Variants in MYO16 observed in about 807,000 individuals in gnomAD.
MYO16 encodes myosin XVI, also known as unconventional myosin-XVI.
In MYO16, 94 loss-of-function variants were observed where a neutral mutation model predicts 205.3. The observed-to-expected ratio is 0.46, with a 90% confidence interval of 0.39 to 0.54. The LOEUF is 0.54. Among genes scored for constraint, MYO16 ranks in the 20% least tolerant of loss-of-function variants. The probability of loss-of-function intolerance (pLI) is 0.00; values close to 1 mark genes in which losing one functional copy is unlikely to be tolerated. For missense variants in MYO16, 2,315 were observed against 2,387.5 expected (o/e 0.97, Z 0.63); for synonymous variants, 988 against 954.0 (o/e 1.04, Z -0.66).
At chr13:108,900,805 A>G (rs1410367779) in intron 15 of MYO16, among the ~76,000 whole-genome samples, 3 of 152,230 alleles carry the variant, frequency 2.0e-5, no homozygotes, top group Admixed American at 2.0e-4. Flanking sequence ...TCAGGGAACA[A>G]GAGAGATAAC....
chr13:108,783,947 ACAGTGTCAG>A (rs1886382386), intron 4 of MYO16, among the ~76,000 whole-genome samples: 1 of 152,176 alleles, frequency 6.6e-6, no homozygotes, highest in Non-Finnish European at 1.5e-5. Flanking sequence ...CAGCGCCTGT[ACAGTGTCAG>A]CAGGCAACCA....
chr13:108,805,427 T>C (rs1887084032), intron 6 of MYO16, among the ~76,000 whole-genome samples: 1 of 152,304 alleles, frequency 6.6e-6, no homozygotes, highest in East Asian at 1.9e-4. Flanking sequence ...TTTATCAAAA[T>C]GTACACATTG....
the MYO16 span, among the ~76,000 whole-genome samples, chr13:108,518,747 A>G: frequency 6.6e-6 from 1 of 152,226 alleles, no homozygotes; most frequent in Non-Finnish European, 1.5e-5. Flanking sequence ...GGGCAAAATC[A>G]CATGCCATAG....
In MYO16 at chr13:108,747,183, C is replaced by T. The variant is rs962641643; in HGVS notation, c.507+19600C>T. 2.0e-5 allele frequency among the ~76,000 whole-genome samples: 3 copies of T among 152,184 alleles called. No homozygotes were observed. In the South Asian group the frequency reaches 6.2e-4, roughly 32 times the overall value. On this transcript the variant is annotated intron_variant, in intron 4 of 34. Transcript: ENST00000457511. Reference sequence around the variant, plus strand: ...AAAATAAGTTGTTAAACAACATAAACAGGAAAATTGTATAGGTCAGAATCT... The same window carrying T: ...AAAATAAGTTGTTAAACAACATAAATAGGAAAATTGTATAGGTCAGAATCT...
chr13:109,058,922 G>A (rs35478620), intron 27 of MYO16, among the ~76,000 whole-genome samples: 9,532 of 152,226 alleles, frequency 0.063, 351 homozygotes, highest in Non-Finnish European at 0.081. Context: ...TTTCAACAAT[G>A]TTCACAGCAT....
intron 16 of MYO16, among the ~76,000 whole-genome samples, chr13:108,914,246 A>T (rs1881389856): frequency 6.7e-6 from 1 of 150,244 alleles, no homozygotes; most frequent in Non-Finnish European, 1.5e-5. Context: ...TATTATATTT[A>T]CTATATTATA....
intron 1 of MYO16, among the ~76,000 whole-genome samples, chr13:108,658,801 T>G (rs1365653745): frequency 6.6e-6 from 1 of 152,196 alleles, no homozygotes; most frequent in Non-Finnish European, 1.5e-5. Flanking sequence ...CTTTGCTTTA[T>G]GGCCTAAGAG....
chr13:108,499,739 A>G, the MYO16 span, among the ~76,000 whole-genome samples: 38 of 152,140 alleles, frequency 2.5e-4, no homozygotes, highest in Non-Finnish European at 5.0e-4. Flanking sequence ...AAATCAACTC[A>G]TTTCTTATAT....
chr13:109,174,467 T>C (rs1879070968), intron 33 of MYO16, among the ~76,000 whole-genome samples: 2 of 152,122 alleles, frequency 1.3e-5, no homozygotes, highest in Non-Finnish European at 1.5e-5. Flanking sequence ...TTGAGAAATT[T>C]ACATTGAGAA....
intron 1 of MYO16, among the ~76,000 whole-genome samples, chr13:108,660,236 G>A (rs1361925830): frequency 2.0e-5 from 3 of 152,170 alleles, no homozygotes; most frequent in Non-Finnish European, 4.4e-5. Context: ...AGGGAATTTT[G>A]AGTGACCCCC....
At position 108,962,393 on chromosome 13, in the gene MYO16, C is replaced by T. The variant is rs773753498; in HGVS notation, c.2156-31C>T. On this transcript the variant is annotated intron_variant, in intron 18 of 34. Transcript: ENST00000457511. ...TTCTTGGTATCAAAAAATATACTAA[C>T]TTTATGTTTATAATGCTGATTTAAT... The T allele has an allele frequency of 3.2e-6, 5 of 1,565,414 alleles. No individual in the cohort carries two copies. The South Asian group carries it at 4.6e-5, about 14-fold the overall frequency.
chr13:109,176,962 A>G (rs549317104), intron 33 of MYO16, among the ~76,000 whole-genome samples: 1 of 152,348 alleles, frequency 6.6e-6, no homozygotes, highest in Admixed American at 6.5e-5. Context: ...CTCATTACTT[A>G]GATAAAATGG....
chr13:108,740,659 A>T (rs1310825414), intron 4 of MYO16, among the ~76,000 whole-genome samples: 1 of 152,048 alleles, frequency 6.6e-6, no homozygotes, highest in African/African-American at 2.4e-5. Flanking sequence ...CTCTCTTCAA[A>T]GCTGTCAGAC....
At chr13:108,752,623 GGCC>G (rs1347675547) in intron 4 of MYO16, among the ~76,000 whole-genome samples, 1 of 150,878 alleles carries the variant, frequency 6.6e-6, no homozygotes, top group East Asian at 1.9e-4. Context: ...AAGATTATAT[GGCC>G]TTTACTTTTT....
chr13:109,055,011 T>C lies in MYO16; in HGVS notation c.3049-35T>C. The stretch of plus-strand genomic sequence containing the variant: ...TTCCTTTCCTTTCCTTTCCTTTCTT[T>C]TCTCCTGTCCTTCTTGTCTTTCTTT... On this transcript the variant is annotated intron_variant, in intron 25 of 34. Transcript: ENST00000457511. The surrounding 1 kb of genome is among the most constrained non-coding windows in gnomAD (Gnocchi z 5.0). 2 of 1,374,564 alleles carry C rather than the reference T, an allele frequency of 1.5e-6. No individual in the cohort carries two copies. The highest frequency in any genetic ancestry group is 2.0e-6 in the Non-Finnish European group (2 of 992,242). The allele number at this position is 1,374,564 out of a possible 1,614,324, so 85.1% of individuals were successfully genotyped here.
chr13:109,033,214 C>T (rs913351353), intron 23 of MYO16, among the ~76,000 whole-genome samples: 1 of 152,120 alleles, frequency 6.6e-6, no homozygotes, highest in African/African-American at 2.4e-5. Context: ...CGTTTCCTCT[C>T]GTCTCTCTGT....
chr13:108,992,569 A>G, intron 21 of MYO16, 121 bp downstream of exon 21: 1 of 583,902 alleles, frequency 1.7e-6, no homozygotes. Flanking sequence ...AAGTACTCTA[A>G]TGTTTTAAAA....
chr13:109,153,300 T>C (rs1383964870), intron 32 of MYO16, among the ~76,000 whole-genome samples: 2 of 152,194 alleles, frequency 1.3e-5, no homozygotes, highest in African/African-American at 2.4e-5. Flanking sequence ...TCTTGTGTGC[T>C]AGAAGCCACT....
rs73616475 is a variant in MYO16 at position 108,985,718 on chromosome 13, C to G, written c.2370-6658C>G. On this transcript the variant is annotated intron_variant, in intron 20 of 34. Coordinates refer to ENST00000457511, the MANE Select transcript of MYO16 (RefSeq NM_001198950.3). ...GCTTCTTGTAGTAGCCAGAGCCAAC[C>G]GTAATAATTTCACTATTCTAACATC... 9.8e-3 allele frequency among the ~76,000 whole-genome samples: 1,498 copies of G among 152,264 alleles called. 21 individuals are homozygous for G. The highest frequency in any genetic ancestry group is 0.034 in the African/African-American group (1,402 of 41,554).
Sources: gnomAD v4.1 joint callset for allele counts (sites outside exome capture counted in the v4.1 genomes callset) on GRCh38, gnomAD v4.1.1 for gene constraint, Gnocchi (gnomAD v3.1) non-coding constraint, MANE v1.5 for transcripts, NCBI Gene and HGNC (gene_info 2026-07-23, HGNC 2026-07-21) for gene names.